Variants in MARCHF1 observed in about 807,000 individuals in gnomAD.
The protein encoded by MARCHF1 is membrane associated ring-CH-type finger 1.
In MARCHF1, 40 loss-of-function variants were observed where a neutral mutation model predicts 54.2. The observed-to-expected ratio is 0.74, with a 90% CI of 0.57 to 0.96. MARCHF1 has a LOEUF of 0.96. Ranked by LOEUF, MARCHF1 falls within the 40% of genes least tolerant of loss-of-function variation. MARCHF1 has a pLI of 0.00. For synonymous variants in MARCHF1, 236 were observed against 236.3 expected (o/e 1.00, Z 0.01); for missense variants, 586 against 656.5 (o/e 0.89, Z 1.17).
At chr4:164,226,357 G>A (rs17614208) in intron 1 of MARCHF1, among the ~76,000 whole-genome samples, 46,122 of 151,796 alleles carry the variant, frequency 0.3, 7,985 homozygotes, top group Admixed American at 0.45. Flanking sequence ...TATTAGAGTC[G>A]TTGGAGGGGA....
At chr4:163,609,906 T>C (rs1741275821) in intron 7 of MARCHF1, among the ~76,000 whole-genome samples, 1 of 151,952 alleles carries the variant, frequency 6.6e-6, no homozygotes, top group Non-Finnish European at 1.5e-5. Flanking sequence ...ACTCTGAATA[T>C]GTAAGTTTTC....
At chr4:163,760,688 T>C (rs1746803442) in intron 4 of MARCHF1, among the ~76,000 whole-genome samples, 2 of 152,196 alleles carry the variant, frequency 1.3e-5, no homozygotes, top group Admixed American at 6.5e-5. Flanking sequence ...ATTGAGTACA[T>C]ATAAATTTCC....
At chr4:163,923,268 T>C (rs1751470343) in intron 3 of MARCHF1, among the ~76,000 whole-genome samples, 1 of 152,152 alleles carries the variant, frequency 6.6e-6, no homozygotes, top group African/African-American at 2.4e-5. Context: ...TTACCTTATA[T>C]ATGTACTGCT....
At chr4:163,803,928 T>A (rs561536948) in intron 4 of MARCHF1, among the ~76,000 whole-genome samples, 188 of 152,338 alleles carry the variant, frequency 1.2e-3, no homozygotes, top group South Asian at 2.5e-3. Context: ...CAACAGCTGC[T>A]TCAAAGAGCA....
At chr4:164,142,267 G>C (rs992250467) in intron 1 of MARCHF1, among the ~76,000 whole-genome samples, 2 of 152,158 alleles carry the variant, frequency 1.3e-5, no homozygotes, top group African/African-American at 4.8e-5. Flanking sequence ...TATTGCCCAG[G>C]CTTGCTTAGG....
chr4:163,664,217 C>A (rs1743449070), intron 5 of MARCHF1, among the ~76,000 whole-genome samples: 1 of 151,988 alleles, frequency 6.6e-6, no homozygotes, highest in South Asian at 2.1e-4. Flanking sequence ...TAAATGTACT[C>A]CCACATGTAA....
chr4:163,723,212 A>G (rs1308653077), intron 4 of MARCHF1, among the ~76,000 whole-genome samples: 1 of 152,168 alleles, frequency 6.6e-6, no homozygotes, highest in Admixed American at 6.5e-5. Flanking sequence ...CTTTTAGGGC[A>G]GGCCTGGTGG....
At chr4:163,551,174 C>G (rs768884227) in intron 8 of MARCHF1, among the ~76,000 whole-genome samples, 8 of 152,158 alleles carry the variant, frequency 5.3e-5, no homozygotes, top group Non-Finnish European at 1.0e-4. Flanking sequence ...TTACATAATT[C>G]ATTTATTTGA....
At chr4:164,124,558 A>T (rs1424598654) in intron 1 of MARCHF1, among the ~76,000 whole-genome samples, 1 of 152,212 alleles carries the variant, frequency 6.6e-6, no homozygotes, top group Non-Finnish European at 1.5e-5. Context: ...GGATAAAGAA[A>T]ATGTGTTACA....
intron 5 of MARCHF1, among the ~76,000 whole-genome samples, chr4:163,655,789 C>T (rs778033653): frequency 2.0e-5 from 3 of 151,960 alleles, no homozygotes; most frequent in Non-Finnish European, 2.9e-5. Context: ...AATTGAACAA[C>T]CTGCTTCTGA....
intron 1 of MARCHF1, chr4:164,190,313 A>G: frequency 1.4e-6 from 1 of 704,870 alleles, no homozygotes; most frequent in Non-Finnish European, 2.5e-6. Context: ...CGAAGAGGAT[A>G]CGGCAGAAAA....
At chr4:164,026,061 G>T (rs1318133878) in intron 2 of MARCHF1, among the ~76,000 whole-genome samples, 1 of 151,902 alleles carries the variant, frequency 6.6e-6, no homozygotes, top group African/African-American at 2.4e-5. Context: ...AGAAGTCCCA[G>T]AAATTTAATC....
chr4:164,333,652 A>G (rs1360344438), intron 1 of MARCHF1, among the ~76,000 whole-genome samples: 1 of 152,158 alleles, frequency 6.6e-6, no homozygotes, highest in Non-Finnish European at 1.5e-5. Flanking sequence ...CCGAGCCACA[A>G]CAATACTGAA....
chr4:163,588,572 A>G (rs1197463022), intron 7 of MARCHF1, among the ~76,000 whole-genome samples: 1 of 152,190 alleles, frequency 6.6e-6, no homozygotes, highest in African/African-American at 2.4e-5. Flanking sequence ...AACTCCTTGG[A>G]CATCCATCTC....
At position 163,780,298 on chromosome 4, in the gene MARCHF1, A is replaced by G. The variant is rs144576754; in HGVS notation, c.111+73723T>C. Among the ~76,000 whole-genome samples, 1,499 of 152,330 alleles carry G rather than the reference A, an allele frequency of 9.8e-3. 23 individuals are homozygous for G. Among genetic ancestry groups the G allele is most frequent in the African/African-American group, 0.034 (1,416 of 41,568 alleles). ...AAAAGGTGTGCATGGAAAGCTGTCA[A>G]ATTAGCTTATCAAGGGAATCACTCT... On this transcript the variant is annotated intron_variant, in intron 4 of 9. Coordinates refer to ENST00000514618, the MANE Select transcript of MARCHF1 (RefSeq NM_001394959.1).
At chr4:163,782,427 T>C (rs541349462) in intron 4 of MARCHF1, among the ~76,000 whole-genome samples, 1 of 152,098 alleles carries the variant, frequency 6.6e-6, no homozygotes, top group South Asian at 2.1e-4. Flanking sequence ...TCCCAGCACT[T>C]TGGGAGGCCG....
intron 5 of MARCHF1, among the ~76,000 whole-genome samples, chr4:163,620,206 A>G (rs1304636981): frequency 6.6e-6 from 1 of 152,198 alleles, no homozygotes; most frequent in African/African-American, 2.4e-5. Flanking sequence ...AATTCAATTA[A>G]CAATGGTATC....
chr4:163,701,387 G>A (rs1744805525), intron 4 of MARCHF1, among the ~76,000 whole-genome samples: 1 of 151,928 alleles, frequency 6.6e-6, no homozygotes, highest in Non-Finnish European at 1.5e-5. Context: ...AGATGCTTCT[G>A]ACTGTATATG....
intron 1 of MARCHF1, among the ~76,000 whole-genome samples, chr4:164,185,875 T>A (rs371292648): frequency 6.6e-6 from 1 of 151,850 alleles, no homozygotes; most frequent in East Asian, 1.9e-4. Flanking sequence ...TTATTGAGGG[T>A]TTAATAAGAC....
Sources: gnomAD v4.1 joint callset for allele counts (sites outside exome capture counted in the v4.1 genomes callset) on GRCh38, gnomAD v4.1.1 for gene constraint, MANE v1.5 for transcripts, NCBI Gene and HGNC (gene_info 2026-07-23, HGNC 2026-07-21) for gene names.